Variants in WDFY4 observed in about 807,000 individuals in gnomAD.
The protein encoded by WDFY4 is WD repeat- and FYVE domain-containing protein 4.
A neutral mutation model predicts 351.9 loss-of-function variants in WDFY4; 169 were observed. The ratio of observed to expected loss-of-function variants is 0.48; its 90% CI spans 0.42 to 0.55. The LOEUF (loss-of-function observed/expected upper bound fraction) is 0.55, where lower values mean the gene tolerates loss of function less well. Among genes scored for constraint, WDFY4 ranks in the 20% least tolerant of loss-of-function variants. WDFY4 has a pLI of 0.00. For synonymous variants in WDFY4, 1,622 were observed against 1,574.6 expected (o/e 1.03, Z -0.71); for missense variants, 3,803 against 3,935.6 (o/e 0.97, Z 0.90).
At chr10:48,807,832 C>G in intron 27 of WDFY4, 27 bp from the exon 28 acceptor site, 1 of 1,547,994 alleles carries the variant, frequency 6.5e-7, no homozygotes, top group South Asian at 1.2e-5. Flanking sequence ...CATCCATTTT[C>G]TCTCAAATCT....
intron 39 of WDFY4, among the ~76,000 whole-genome samples, chr10:48,842,489 G>T (rs2068641830): frequency 6.6e-6 from 1 of 152,138 alleles, no homozygotes; most frequent in Non-Finnish European, 1.5e-5. Flanking sequence ...CCCAGAGGAG[G>T]ACGCCTTGTT....
At chr10:48,700,018 G>C (rs1471207138) in intron 1 of WDFY4, among the ~76,000 whole-genome samples, 1 of 152,138 alleles carries the variant, frequency 6.6e-6, no homozygotes, top group Non-Finnish European at 1.5e-5. Flanking sequence ...TCAGAAATCT[G>C]GTTTTAACAA....
intron 39 of WDFY4, among the ~76,000 whole-genome samples, chr10:48,842,660 A>C (rs2133127566): frequency 6.6e-6 from 1 of 152,338 alleles, no homozygotes; most frequent in African/African-American, 2.4e-5. Context: ...GCTAGTTGAT[A>C]AAAATTTCCT....
chr10:48,939,342 G>A (rs892086633), intron 47 of WDFY4, among the ~76,000 whole-genome samples: 25 of 152,288 alleles, frequency 1.6e-4, no homozygotes, highest in African/African-American at 5.5e-4. Flanking sequence ...TGGTCTCACT[G>A]GCTCTCCCAC....
At chr10:48,877,937 G>T (rs1178564752) in intron 43 of WDFY4, 1 of 152,258 alleles carries the variant, frequency 6.6e-6, no homozygotes, top group East Asian at 1.9e-4. Context: ...GAGTAGAACC[G>T]ACCTCAGTTC....
At chr10:48,794,573 G>A in intron 23 of WDFY4, among the ~76,000 whole-genome samples, 1 of 152,112 alleles carries the variant, frequency 6.6e-6, no homozygotes, top group South Asian at 2.1e-4. Flanking sequence ...TGTACAGAGA[G>A]AAGAAGGTTG....
intron 47 of WDFY4, chr10:48,914,142 T>C (rs1305792556): frequency 6.2e-7 from 1 of 1,613,582 alleles, no homozygotes; most frequent in Non-Finnish European, 8.5e-7. Flanking sequence ...GGGGCCTTTC[T>C]CACCCTTAAC....
chr10:48,794,860 G>A (rs12411976), intron 23 of WDFY4, among the ~76,000 whole-genome samples: 8,693 of 152,216 alleles, frequency 0.057, 591 homozygotes, highest in East Asian at 0.34. Flanking sequence ...GCAGTGGCTG[G>A]CTGATGCAGG....
At chr10:48,921,070 A>C (rs1839031468) in intron 47 of WDFY4, among the ~76,000 whole-genome samples, 1 of 152,226 alleles carries the variant, frequency 6.6e-6, no homozygotes, top group Non-Finnish European at 1.5e-5. Flanking sequence ...CTCTCCCCAA[A>C]TTGGTCTAAT....
intron 43 of WDFY4, 147 bp from the exon 44 acceptor site, chr10:48,890,432 C>T (rs2070645375): frequency 1.0e-6 from 1 of 996,122 alleles, no homozygotes; most frequent in Non-Finnish European, 1.5e-6. Flanking sequence ...CAGTACAGTC[C>T]TGGGACAGCG....
intron 39 of WDFY4, among the ~76,000 whole-genome samples, chr10:48,838,331 G>A (rs922675454): frequency 2.0e-5 from 3 of 152,156 alleles, no homozygotes; most frequent in African/African-American, 4.8e-5. Context: ...CAGAGGCAGG[G>A]CACTTATGTG....
chr10:48,850,431 G>A (rs890646971), intron 39 of WDFY4, among the ~76,000 whole-genome samples: 5 of 151,864 alleles, frequency 3.3e-5, no homozygotes, highest in African/African-American at 1.2e-4. Context: ...TTATCTTTTT[G>A]TTCAAATGGT....
At chr10:48,723,383 C>T (rs769880122) in intron 4 of WDFY4, 50 bp from the exon 5 acceptor site, 5 of 1,540,244 alleles carry the variant, frequency 3.2e-6, no homozygotes, top group Non-Finnish European at 4.4e-6. Context: ...CTGGGCTGAC[C>T]TGCTTCTGCT....
At chr10:48,772,581 A>G (rs1310579989) in intron 13 of WDFY4, among the ~76,000 whole-genome samples, 2 of 121,990 alleles carry the variant, frequency 1.6e-5, no homozygotes, top group Non-Finnish European at 3.2e-5. Context: ...GTTTTAGGGT[A>G]CATGTGCACA....
chr10:48,916,721 A>G (rs542336112), intron 47 of WDFY4, among the ~76,000 whole-genome samples: 2 of 152,152 alleles, frequency 1.3e-5, no homozygotes, highest in African/African-American at 4.8e-5. Context: ...TTGTATAGCA[A>G]CTCTGAACTC....
chr10:48,926,559 A>C (rs958766669), intron 47 of WDFY4, among the ~76,000 whole-genome samples: 5 of 152,194 alleles, frequency 3.3e-5, no homozygotes, highest in Admixed American at 3.3e-4. Flanking sequence ...GGAGGAACTG[A>C]CCACAGGCAA....
chr10:48,716,596 AGTT>A (rs1301393868), intron 2 of WDFY4, among the ~76,000 whole-genome samples: 1 of 152,134 alleles, frequency 6.6e-6, no homozygotes, highest in Non-Finnish European at 1.5e-5. Flanking sequence ...GGCCTGAAAG[AGTT>A]AACGCAGCTT....
chr10:48,877,208 C>A lies in WDFY4; in HGVS notation c.7167+9C>A, dbSNP rs190831884. ...TTCTTGATAAAGAAAAGGTAATATA[C>A]CCCATTGCAATAGCCTTTAAGATTT... On this transcript the variant is annotated intron_variant, in intron 43 of 61. Coordinates refer to ENST00000325239, the MANE Select transcript of WDFY4 (RefSeq NM_001394531.1). 4.7e-4 allele frequency: 734 copies of A among 1,550,174 alleles called. 3 individuals are homozygous for A. The African/African-American group carries it at 9.2e-3, about 19-fold the overall frequency.
chr10:48,847,568 T>C (rs17011305), intron 39 of WDFY4, among the ~76,000 whole-genome samples: 8,897 of 152,056 alleles, frequency 0.059, 893 homozygotes, highest in African/African-American at 0.2. Context: ...TTTAAGAACA[T>C]TACCTGTGAG....
Sources: gnomAD v4.1 joint callset for allele counts (sites outside exome capture counted in the v4.1 genomes callset) on GRCh38, gnomAD v4.1.1 for gene constraint, MANE v1.5 for transcripts, NCBI Gene and HGNC (gene_info 2026-07-23, HGNC 2026-07-21) for gene names.